Variants in NFATC2 observed in about 807,000 individuals in gnomAD.
NFATC2 encodes nuclear factor of activated T-cells, cytoplasmic 2.
A neutral mutation model predicts 87.3 loss-of-function variants in NFATC2; 22 were observed. The observed-to-expected ratio is 0.25, with a 90% CI of 0.18 to 0.36. The LOEUF (loss-of-function observed/expected upper bound fraction) is 0.36. Among genes scored for constraint, NFATC2 ranks in the 10% least tolerant of loss-of-function variants. NFATC2 has a pLI of 1.00. For missense variants in NFATC2, 1,149 were observed against 1,259.1 expected (o/e 0.91, Z 1.32); for synonymous variants, 565 against 542.2 (o/e 1.04, Z -0.58).
chr20:51,478,545 C>T (rs1988956026), intron 3 of NFATC2, among the ~76,000 whole-genome samples: 1 of 152,196 alleles, frequency 6.6e-6, no homozygotes, highest in African/African-American at 2.4e-5. Flanking sequence ...CATCCCCGCT[C>T]TTGTTGGCAC....
intron 3 of NFATC2, among the ~76,000 whole-genome samples, chr20:51,512,131 G>C (rs913299686): frequency 6.6e-6 from 1 of 152,180 alleles, no homozygotes; most frequent in Non-Finnish European, 1.5e-5. Flanking sequence ...CTCTTTGCTG[G>C]TTCTATGACC....
intron 1 of NFATC2, among the ~76,000 whole-genome samples, chr20:51,550,856 CAT>C (rs1466647466): frequency 6.6e-6 from 1 of 152,194 alleles, no homozygotes; most frequent in Non-Finnish European, 1.5e-5. Flanking sequence ...CTACTGAACT[CAT>C]ATCGCTTTCA....
At chr20:51,507,229 C>A (rs1395016538) in intron 3 of NFATC2, among the ~76,000 whole-genome samples, 1 of 152,214 alleles carries the variant, frequency 6.6e-6, no homozygotes, top group Non-Finnish European at 1.5e-5. Flanking sequence ...GTGAGCTTCA[C>A]TTCCCTGTGC....
chr20:51,475,780 G>T, intron 3 of NFATC2, 120 bp from the exon 4 acceptor site: 1 of 966,958 alleles, frequency 1.0e-6, no homozygotes, highest in Non-Finnish European at 1.5e-6. Context: ...TGCAGCATCT[G>T]GAAGAATGGA....
intron 1 of NFATC2, among the ~76,000 whole-genome samples, chr20:51,551,292 G>C (rs2146830907): frequency 6.6e-6 from 1 of 152,278 alleles, no homozygotes; most frequent in South Asian, 2.1e-4. Context: ...CGCTGAACAA[G>C]CTATTATAAT....
At chr20:51,486,183 C>A (rs1212260054) in intron 3 of NFATC2, among the ~76,000 whole-genome samples, 3 of 152,018 alleles carry the variant, frequency 2.0e-5, no homozygotes, top group Non-Finnish European at 4.4e-5. Flanking sequence ...TGCACTCCAG[C>A]CTGGGTGACA....
At chr20:51,465,277 G>A (rs1387592408) in intron 5 of NFATC2, among the ~76,000 whole-genome samples, 2 of 152,158 alleles carry the variant, frequency 1.3e-5, no homozygotes, top group East Asian at 3.8e-4. Flanking sequence ...CTACTCAGGA[G>A]GTTGAGGAAC....
chr20:51,431,607 C>T (rs749914193), intron 9 of NFATC2, among the ~76,000 whole-genome samples: 23 of 152,178 alleles, frequency 1.5e-4, no homozygotes, highest in Non-Finnish European at 2.8e-4. Context: ...GAGCTTTCTT[C>T]TTCCTTTTCC....
chr20:51,467,889 T>C (rs992807793), intron 5 of NFATC2, among the ~76,000 whole-genome samples: 2 of 152,210 alleles, frequency 1.3e-5, no homozygotes, highest in Admixed American at 6.5e-5. Context: ...GCCTTATCCA[T>C]AAACCTAAGC....
intron 6 of NFATC2, among the ~76,000 whole-genome samples, chr20:51,449,835 T>A (rs2146408460): frequency 6.6e-6 from 1 of 152,304 alleles, no homozygotes; most frequent in Admixed American, 6.5e-5. Flanking sequence ...AGGGATCAGA[T>A]TAGTTAGCAC....
intron 1 of NFATC2, among the ~76,000 whole-genome samples, chr20:51,532,504 G>C (rs184326870): frequency 1.3e-5 from 2 of 152,100 alleles, no homozygotes; most frequent in East Asian, 3.9e-4. Flanking sequence ...TCCTTTCTTC[G>C]GGAATGTTCA....
chr20:51,479,057 C>T (rs961900927), intron 3 of NFATC2, among the ~76,000 whole-genome samples: 1 of 152,192 alleles, frequency 6.6e-6, no homozygotes, highest in Non-Finnish European at 1.5e-5. Context: ...ATGTACGTTT[C>T]CAGCCGTAGT....
intron 3 of NFATC2, among the ~76,000 whole-genome samples, chr20:51,491,601 C>G (rs1340961494): frequency 1.3e-5 from 2 of 152,124 alleles, no homozygotes; most frequent in East Asian, 3.9e-4. Flanking sequence ...CCATTACGTG[C>G]TACCTCCGCC....
chr20:51,432,195 T>C lies in NFATC2; in HGVS notation c.2594A>G (p.Gln865Arg). ...LSPGSYPTVI[Q>R]QQNATSQRAA... Reference sequence around the variant, plus strand: ...TCTTTGGCTCGTGGCATTCTGCTGCTGAATGACTGTGGGGTAGGAACCCGG... The same window carrying C: ...TCTTTGGCTCGTGGCATTCTGCTGCCGAATGACTGTGGGGTAGGAACCCGG... The change falls in exon 9 of 11, where the codon CAG becomes CGG. Residue 865 changes from glutamine to arginine, a missense_variant. Physicochemically the swap from Gln to Arg is conservative, Grantham distance 43. Around this residue, in one of 3 missense-constraint regions of NFATC2, gnomAD observed 581 missense variants for 649.7 expected, o/e 0.89. Coordinates refer to ENST00000371564, the MANE Select transcript of NFATC2 (RefSeq NM_012340.5). This position sits in a 1 kb window ranked among gnomAD's most constrained non-coding sequence, Gnocchi z 4.6. 1 of 1,610,888 alleles carries C rather than the reference T, an allele frequency of 6.2e-7. No homozygotes were observed.
intron 9 of NFATC2, among the ~76,000 whole-genome samples, chr20:51,430,295 G>A (rs937179613): frequency 3.3e-5 from 5 of 152,166 alleles, no homozygotes; most frequent in South Asian, 2.1e-4. Context: ...AGGGCCTCAC[G>A]TGGAGAGGGA....
At chr20:51,535,294 G>A (rs2076701403) in intron 1 of NFATC2, among the ~76,000 whole-genome samples, 1 of 152,180 alleles carries the variant, frequency 6.6e-6, no homozygotes, top group Non-Finnish European at 1.5e-5. Context: ...TTAGCAAACA[G>A]TCCCTCTCTC....
Position 51,432,493 on chromosome 20 carries a change from G to C in NFATC2, c.2296C>G (p.Gln766Glu). 2 of 1,555,806 alleles carry C rather than the reference G, an allele frequency of 1.3e-6. No homozygotes were observed. Among genetic ancestry groups the C allele is most frequent in the Non-Finnish European group, 1.7e-6 (2 of 1,151,136 alleles). The part of the protein sequence containing the change: ...KSLSPSLLGY[Q>E]QPALMAAPLS... ...GGGGCGGCCATGAGGGCCGGCTGCT[G>C]ATAGCCCAGCAGGCTGGGGCTCAGG... Residue 766 changes from glutamine (Q) to glutamate (E), a missense_variant, in exon 9 of 11, where the codon CAG becomes GAG. This residue lies in a region of NFATC2 where 581 missense variants were observed against 649.7 expected (regional missense o/e 0.89). Transcript: ENST00000371564. The surrounding 1 kb of genome is among the most constrained non-coding windows in gnomAD (Gnocchi z 4.6).
Position 51,430,110 on chromosome 20 carries a change from G to A in NFATC2, c.2722+1957C>T, listed in dbSNP as rs6096430. ...TGGACACGGGTGCCCCAATATCCAA[G>A]GCACTCACCATTTGCCTTTAACAAG... On this transcript the variant is annotated intron_variant, in intron 9 of 10. Transcript: ENST00000371564. 5.1e-3 allele frequency among the ~76,000 whole-genome samples: 773 copies of A among 152,294 alleles called. 6 individuals carry two copies. The highest frequency in any genetic ancestry group is 0.018 in the African/African-American group (742 of 41,544).
intron 1 of NFATC2, among the ~76,000 whole-genome samples, chr20:51,549,571 A>G (rs1261209401): frequency 6.6e-6 from 1 of 152,250 alleles, no homozygotes; most frequent in African/African-American, 2.4e-5. Flanking sequence ...GTGATACATT[A>G]AAGAACAACC....
Sources: gnomAD v4.1 joint callset for allele counts (sites outside exome capture counted in the v4.1 genomes callset) on GRCh38, gnomAD v4.1.1 for gene constraint, gnomAD v4.1.1 regional missense constraint, Gnocchi (gnomAD v3.1) non-coding constraint, MANE v1.5 for transcripts, NCBI Gene and HGNC (gene_info 2026-07-23, HGNC 2026-07-21) for gene names.